Variants in SDR42E1 observed in about 807,000 individuals in gnomAD.
SDR42E1 encodes the protein short chain dehydrogenase/reductase family 42E, member 1, also known as short-chain dehydrogenase/reductase family 42E member 1.
SDR42E1 carries 5 observed loss-of-function variants against 2.6 expected under a neutral mutation model. The observed-to-expected ratio is 1.94, with a 90% CI of 1.01 to 4.08. The LOEUF is 4.08. Ranked by LOEUF, SDR42E1 falls within the 30% of genes most tolerant of loss-of-function variation. The pLI, the probability that SDR42E1 is intolerant of heterozygous loss-of-function variation, is 0.00. For synonymous variants in SDR42E1, 231 were observed against 188.3 expected (o/e 1.23, Z -1.86); for missense variants, 596 against 478.6 (o/e 1.25, Z -2.29).
At chr16:82,008,937 C>T (rs903740485) in intron 1 of SDR42E1, among the ~76,000 whole-genome samples, 2 of 152,318 alleles carry the variant, frequency 1.3e-5, no homozygotes, top group East Asian at 3.9e-4. Context: ...CTCTATGCAG[C>T]CTAGGGACTT....
chr16:82,001,865 G>A lies in SDR42E1; in HGVS notation c.-26-981C>T, dbSNP rs544238531. On this transcript the variant is annotated intron_variant, in intron 1 of 2. Coordinates refer to ENST00000328945, the MANE Select transcript of SDR42E1 (RefSeq NM_145168.3). ...GGCAATGAGCGAAGATCGCGCCACT[G>A]CACTCTAGCCTGGGCGACAGAGCAA... is the stretch of plus-strand genomic sequence containing the variant. Among the ~76,000 whole-genome samples the A allele has an allele frequency of 4.1e-5, 6 of 146,432 alleles. No individual in the cohort carries two copies. The South Asian group carries it at 1.3e-3, about 32-fold the overall frequency.
intron 1 of SDR42E1, among the ~76,000 whole-genome samples, chr16:82,002,123 T>G (rs1347334338): frequency 6.6e-6 from 1 of 151,900 alleles, no homozygotes; most frequent in Non-Finnish European, 1.5e-5. Context: ...ACCACAAAAG[T>G]AGACTTCAAC....
At chr16:82,001,025 T>C (rs1912741245) in intron 1 of SDR42E1, 141 bp from the exon 2 acceptor site, 1 of 569,204 alleles carries the variant, frequency 1.8e-6, no homozygotes. Context: ...AGCTGTGTCA[T>C]TTAGCTACTT....
Position 82,007,406 on chromosome 16 carries a change from G to C in SDR42E1, c.-27+3981C>G, listed in dbSNP as rs78904661. ...TCTGCCAGGCATTGTGCAACACTCT[G>C]TCTGTGAATTATTTCACAACCCTCT... On this transcript the variant is annotated intron_variant, in intron 1 of 2. Coordinates refer to ENST00000328945, the MANE Select transcript of SDR42E1 (RefSeq NM_145168.3). Among the ~76,000 whole-genome samples the C allele has an allele frequency of 4.0e-3, 612 of 152,308 alleles. 4 individuals are homozygous for C. Among genetic ancestry groups the C allele is most frequent in the African/African-American group, 0.013 (558 of 41,566 alleles).
intron 1 of SDR42E1, among the ~76,000 whole-genome samples, chr16:82,006,360 G>C (rs1912934683): frequency 6.6e-6 from 1 of 152,212 alleles, no homozygotes; most frequent in African/African-American, 2.4e-5. Flanking sequence ...TTACGAAATG[G>C]TGCTGTTCAA....
chr16:82,003,753 T>G (rs866808394), intron 1 of SDR42E1, among the ~76,000 whole-genome samples: 3 of 152,242 alleles, frequency 2.0e-5, no homozygotes, highest in Middle Eastern at 6.3e-3. Context: ...TCTAAAACTA[T>G]TTACTTTTTA....
rs1434643824 is a variant in SDR42E1 at position 81,990,194 on chromosome 16, T to G, written c.*8917A>C. 1.3e-5 allele frequency: 2 copies of G among 152,170 alleles called. No individual in the cohort carries two copies. Among genetic ancestry groups the G allele is most frequent in the Non-Finnish European group, 2.9e-5 (2 of 68,112 alleles). The allele number at this position is 152,170 out of a possible 1,614,324, so 9.4% of individuals were successfully genotyped here. On this transcript the variant is annotated 3_prime_UTR_variant, in exon 3 of 3. Coordinates refer to ENST00000328945, the MANE Select transcript of SDR42E1 (RefSeq NM_145168.3). ...GCTAGGTGTGCTGGTGCACCTGTGG[T>G]TCTAGCTACTTAGGAGGATCACCTG...
rs190003153 is a variant in SDR42E1 at position 81,990,966 on chromosome 16, T to A, written c.*8145A>T. 6.6e-6 allele frequency: 1 copy of A among 152,224 alleles called. No homozygotes were observed. The highest frequency in any genetic ancestry group is 1.5e-5 in the Non-Finnish European group (1 of 68,046). 9.4% of individuals were successfully genotyped at this position (152,224 alleles called of 1,614,324 possible). A position where few individuals can be genotyped will look rare whatever the true frequency, so the allele number is the denominator to read the frequency against. ...CTTCGAAAGATTTTTATTAGGTCTG[T>A]GCTCCACGCCCAGAATAGTGTAAGA... On this transcript the variant is annotated 3_prime_UTR_variant, in exon 3 of 3. Coordinates refer to ENST00000328945, the MANE Select transcript of SDR42E1 (RefSeq NM_145168.3).
rs1179652986 is a variant in SDR42E1 at position 81,999,119 on chromosome 16, A to T, written c.1174T>A (p.Ser392Thr). 1 of 1,613,306 alleles carries T rather than the reference A, an allele frequency of 6.2e-7. No homozygotes were observed. The highest frequency in any genetic ancestry group is 1.1e-5 in the South Asian group (1 of 90,916). Reference sequence around the variant, plus strand: ...TATTTCTGGCCCCTCCTTCACAGTGACAGAATCACAGAAGAAGGCAGCCAC... The same window carrying T: ...TATTTCTGGCCCCTCCTTCACAGTGTCAGAATCACAGAAGAAGGCAGCCAC... Reference protein sequence around the residue: ...LMWLPSSVILSL With the variant: ...LMWLPSSVILTL The change falls in exon 3 of 3, where the codon TCA (serine) becomes ACA (threonine). Residue 392 changes from serine to threonine, a missense_variant. Coordinates refer to ENST00000328945, the MANE Select transcript of SDR42E1 (RefSeq NM_145168.3).
rs776388358 is a variant in SDR42E1 at position 81,999,870 on chromosome 16, G to A, written c.423C>T (p.Pro141=). The A allele has an allele frequency of 3.6e-5, 58 of 1,614,050 alleles. No homozygotes were observed. The highest frequency in any genetic ancestry group is 4.7e-5 in the Non-Finnish European group (56 of 1,180,050). The change falls in exon 3 of 3, where the codon CCC becomes CCT. Residue 141 remains proline (P), a synonymous_variant. Transcript: ENST00000328945. The stretch of plus-strand genomic sequence containing the variant: ...CAGGGTGGAGGTGAAGAGGCAGGTA[G>A]GGCAGAGATTCATCCCCATTTCTGA... ...QVIRNGDESL[P]YLPLHLHPDH...
chr16:82,001,632 G>T (rs545594468), intron 1 of SDR42E1, among the ~76,000 whole-genome samples: 1 of 152,168 alleles, frequency 6.6e-6, no homozygotes, highest in African/African-American at 2.4e-5. Flanking sequence ...GCCAGGCACG[G>T]TGGCTCACAC....
rs769147780 is a variant in SDR42E1 at position 81,999,562 on chromosome 16, C to T, written c.731G>A (p.Gly244Asp). ...LASEALRADK[G>D]HIASGQPYFI... ...GTAGGGCTGCCCAGAGGCAATATGGCCCTTGTCAGCTCTCAGGGCTTCTGA... is the reference window on the plus strand; with the variant it reads ...GTAGGGCTGCCCAGAGGCAATATGGTCCTTGTCAGCTCTCAGGGCTTCTGA... Residue 244 changes from glycine to aspartate, a missense_variant, in exon 3 of 3, where the codon GGC becomes GAC. Transcript: ENST00000328945. 2.0e-5 allele frequency: 33 copies of T among 1,614,030 alleles called. No homozygotes were observed. The East Asian group carries it at 7.4e-4, about 36-fold the overall frequency.
chr16:81,994,491 T>C lies in SDR42E1; in HGVS notation c.*4620A>G, dbSNP rs1789674573. ...AGTCCTGTGAGCGGTCAGGCCTGCATGTGGAGGTCAGCCCCACGAAAGGGC... is the reference window on the plus strand; with the variant it reads ...AGTCCTGTGAGCGGTCAGGCCTGCACGTGGAGGTCAGCCCCACGAAAGGGC... On this transcript the variant is annotated 3_prime_UTR_variant, in exon 3 of 3. Transcript: ENST00000328945. 1 of 152,344 alleles carries C rather than the reference T, an allele frequency of 6.6e-6. No homozygotes were observed. The highest frequency in any genetic ancestry group is 2.4e-5 in the African/African-American group (1 of 41,562). 9.4% of individuals were successfully genotyped at this position (152,344 alleles called of 1,614,324 possible).
chr16:82,002,411 G>A (rs1912799672), intron 1 of SDR42E1, among the ~76,000 whole-genome samples: 1 of 152,146 alleles, frequency 6.6e-6, no homozygotes, highest in Non-Finnish European at 1.5e-5. Context: ...TTTCTAAAAA[G>A]GCAGCATGGT....
Position 81,995,305 on chromosome 16 carries a change from G to GGGTTGAGTGATTCAA in SDR42E1, c.*3791_*3805dup, listed in dbSNP as rs1298733576. 1.3e-5 allele frequency: 2 copies of GGGTTGAGTGATTCAA among 152,282 alleles called. No individual in the cohort carries two copies. Among genetic ancestry groups the GGGTTGAGTGATTCAA allele is most frequent in the African/African-American group, 4.8e-5 (2 of 41,442 alleles). The allele number at this position is 152,282 out of a possible 1,614,324, so 9.4% of individuals were successfully genotyped here. A position where few individuals can be genotyped will look rare whatever the true frequency, so the allele number is the denominator to read the frequency against. On this transcript the variant is annotated 3_prime_UTR_variant, in exon 3 of 3. Transcript: ENST00000328945. ...GTGAGCATAATTTTATTGTTAGGCAGGGTTGAGTGATTCAATCTAAGGTTG... is the reference window on the plus strand; with the variant it reads ...GTGAGCATAATTTTATTGTTAGGCAGGGTTGAGTGATTCAAGGTTGAGTGATTCAATCTAAGGTTG...
In SDR42E1 at chr16:81,989,113, T is replaced by C. The variant is rs1197474574; in HGVS notation, c.*9998A>G. 6.6e-6 allele frequency: 1 copy of C among 152,182 alleles called. No individual in the cohort carries two copies. The highest frequency in any genetic ancestry group is 2.4e-5 in the African/African-American group (1 of 41,448). 9.4% of individuals were successfully genotyped at this position (152,182 alleles called of 1,614,324 possible). Reference sequence around the variant, plus strand: ...ACCTGAGAGTGAAAGGAAGCACTATTAAAAATTAAGGTGGGACTACAGGCA... The same window carrying C: ...ACCTGAGAGTGAAAGGAAGCACTATCAAAAATTAAGGTGGGACTACAGGCA... On this transcript the variant is annotated 3_prime_UTR_variant, in exon 3 of 3. Coordinates refer to ENST00000328945, the MANE Select transcript of SDR42E1 (RefSeq NM_145168.3).
chr16:81,997,739 A>G lies in SDR42E1; in HGVS notation c.*1372T>C, dbSNP rs571053141. 1 of 152,298 alleles carries G rather than the reference A, an allele frequency of 6.6e-6. No homozygotes were observed. Among genetic ancestry groups the G allele is most frequent in the East Asian group, 1.9e-4 (1 of 5,178 alleles). 9.4% of individuals were successfully genotyped at this position (152,298 alleles called of 1,614,324 possible). The stretch of plus-strand genomic sequence containing the variant: ...CTATGGGGTGGGTGGGTTTATACAA[A>G]GGGCAAATGCAGTCAGTCCCAGCTC... On this transcript the variant is annotated 3_prime_UTR_variant, in exon 3 of 3. Transcript: ENST00000328945.
intron 2 of SDR42E1, 103 bp from the exon 3 acceptor site, chr16:82,000,327 T>G: frequency 1.4e-6 from 2 of 1,423,902 alleles, no homozygotes; most frequent in Non-Finnish European, 2.0e-6. Context: ...GATCCAAGTC[T>G]TCTTGGCTCA....
chr16:82,007,224 C>T (rs778716275), intron 1 of SDR42E1, among the ~76,000 whole-genome samples: 11 of 152,208 alleles, frequency 7.2e-5, no homozygotes, highest in Non-Finnish European at 1.3e-4. Context: ...TCTTCAAATG[C>T]CTCTTTCTGT....
Sources: allele counts gnomAD v4.1 joint callset (sites outside exome capture counted in the v4.1 genomes callset), GRCh38; gene constraint gnomAD v4.1.1; transcripts MANE v1.5; gene names NCBI Gene and HGNC (gene_info 2026-07-23, HGNC 2026-07-21).